ADAMTSL1: variants seen among roughly 807,000 people sequenced by gnomAD.
ADAMTSL1 encodes ADAMTS-like protein 1.
ADAMTSL1 carries 126 observed loss-of-function variants against 201.8 expected under a neutral mutation model. That is an observed-to-expected ratio of 0.62 (90% CI 0.54 to 0.72). The LOEUF is 0.72. Ranked by LOEUF, ADAMTSL1 falls within the 30% of genes least tolerant of loss-of-function variation. ADAMTSL1 has a pLI of 0.00. For synonymous variants in ADAMTSL1, 1,121 were observed against 903.4 expected (o/e 1.24, Z -4.32); for missense variants, 2,679 against 2,277.8 (o/e 1.18, Z -3.59).
intron 13 of ADAMTSL1, among the ~76,000 whole-genome samples, chr9:18,703,193 C>T (rs1351055160): frequency 6.6e-6 from 1 of 152,162 alleles, no homozygotes; most frequent in Non-Finnish European, 1.5e-5. Context: ...GCTTCTAGCT[C>T]AGCAAGTGCT....
At chr9:18,688,070 T>C (rs1259232595) in intron 13 of ADAMTSL1, among the ~76,000 whole-genome samples, 3 of 151,670 alleles carry the variant, frequency 2.0e-5, no homozygotes, top group Non-Finnish European at 4.4e-5. Context: ...ATCTGATTCA[T>C]GTGGTAGAAA....
At chr9:18,150,672 G>A (rs1296549972) in intron 1 of ADAMTSL1, among the ~76,000 whole-genome samples, 1 of 151,928 alleles carries the variant, frequency 6.6e-6, no homozygotes, top group Non-Finnish European at 1.5e-5. Flanking sequence ...ATAGAGAAAA[G>A]AATCAATGGG....
intron 1 of ADAMTSL1, among the ~76,000 whole-genome samples, chr9:18,082,270 T>C (rs1385564795): frequency 6.6e-6 from 1 of 152,132 alleles, no homozygotes; most frequent in Non-Finnish European, 1.5e-5. Context: ...TAGTAGAAAA[T>C]GTAAACTACA....
chr9:18,732,468 G>A (rs1818269757), intron 15 of ADAMTSL1, among the ~76,000 whole-genome samples: 1 of 152,190 alleles, frequency 6.6e-6, no homozygotes, highest in Admixed American at 6.5e-5. Context: ...TAAAATGGTA[G>A]CAGGGGAGAC....
rs537147097 is a variant in ADAMTSL1 at position 18,764,969 on chromosome 9, G to GTACAATTT, written c.2218-5630_2218-5623dup. ...ATTTTCAATGAGTAATCACTCTATA[G>GTACAATTT]TACAATTTTATTACATCTATACCCT... On this transcript the variant is annotated intron_variant, in intron 16 of 28. Transcript: ENST00000380548. 1.6e-4 allele frequency among the ~76,000 whole-genome samples: 24 copies of GTACAATTT among 152,180 alleles called. 1 individual carries two copies. The East Asian group carries it at 4.6e-3, about 29-fold the overall frequency.
At chr9:18,622,570 A>C in intron 5 of ADAMTSL1, 1 of 701,574 alleles carries the variant, frequency 1.4e-6, no homozygotes, top group East Asian at 2.7e-5. Context: ...CCAAAGAGGA[A>C]GCCTGTCCTT....
intron 4 of ADAMTSL1, among the ~76,000 whole-genome samples, chr9:18,583,555 C>G (rs201503780): frequency 8.9e-6 from 1 of 112,890 alleles, no homozygotes; most frequent in Non-Finnish European, 2.1e-5. Context: ...GGAACACCAC[C>G]TAGGAAAGCT....
At chr9:18,137,734 C>T (rs796159962) in intron 1 of ADAMTSL1, among the ~76,000 whole-genome samples, 35 of 152,276 alleles carry the variant, frequency 2.3e-4, no homozygotes, top group African/African-American at 7.9e-4. Flanking sequence ...TTGTAGAATT[C>T]TGTATTTTGT....
intron 16 of ADAMTSL1, among the ~76,000 whole-genome samples, chr9:18,755,400 GA>G (rs2133623308): frequency 6.6e-6 from 1 of 152,288 alleles, no homozygotes; most frequent in Admixed American, 6.5e-5. Context: ...AATGTTTACT[GA>G]ATGATGAAAT....
chr9:18,680,538 G>T (rs984616497), intron 11 of ADAMTSL1, 22 bp downstream of exon 11: 1 of 1,612,338 alleles, frequency 6.2e-7, no homozygotes, highest in East Asian at 2.2e-5. Flanking sequence ...TTCTTTCTTT[G>T]TTCATTAGGA....
intron 19 of ADAMTSL1, among the ~76,000 whole-genome samples, chr9:18,789,744 G>A (rs562248983): frequency 2.6e-5 from 4 of 152,292 alleles, no homozygotes; most frequent in African/African-American, 7.2e-5. Flanking sequence ...TTGTTCTTAA[G>A]GGAGGGGGAG....
At chr9:18,179,539 C>T (rs1479032281) in intron 2 of ADAMTSL1, among the ~76,000 whole-genome samples, 2 of 152,120 alleles carry the variant, frequency 1.3e-5, no homozygotes, top group East Asian at 3.9e-4. Flanking sequence ...CACAAAGATA[C>T]TCCTCGAGAA....
intron 1 of ADAMTSL1, among the ~76,000 whole-genome samples, chr9:17,916,564 A>C (rs1164438071): frequency 6.6e-6 from 1 of 152,162 alleles, no homozygotes; most frequent in Non-Finnish European, 1.5e-5. Context: ...GACTTTTTGC[A>C]AAGACCATCC....
intron 2 of ADAMTSL1, among the ~76,000 whole-genome samples, chr9:18,379,879 T>C (rs1837474579): frequency 6.6e-6 from 1 of 152,204 alleles, no homozygotes; most frequent in Non-Finnish European, 1.5e-5. Flanking sequence ...TTTCCTTTAC[T>C]CCATCCTCCC....
chr9:18,187,481 A>G (rs1446730308), intron 2 of ADAMTSL1, among the ~76,000 whole-genome samples: 2 of 152,188 alleles, frequency 1.3e-5, no homozygotes, highest in Admixed American at 6.5e-5. Context: ...TAAGATCTTG[A>G]TAAGATTGCA....
At chr9:18,283,796 C>T (rs1832884041) in intron 2 of ADAMTSL1, among the ~76,000 whole-genome samples, 1 of 150,096 alleles carries the variant, frequency 6.7e-6, no homozygotes, top group South Asian at 2.1e-4. Flanking sequence ...CCTGTAGTCC[C>T]AGCTACTCGG....
intron 1 of ADAMTSL1, among the ~76,000 whole-genome samples, chr9:18,031,243 G>C (rs1820942581): frequency 6.6e-6 from 1 of 152,132 alleles, no homozygotes; most frequent in South Asian, 2.1e-4. Flanking sequence ...TAGAGTTCTT[G>C]CACTGATTCC....
intron 16 of ADAMTSL1, among the ~76,000 whole-genome samples, chr9:18,768,932 A>G (rs958776958): frequency 5.3e-5 from 8 of 152,218 alleles, no homozygotes; most frequent in African/African-American, 1.9e-4. Context: ...TTATCTGGGG[A>G]AAAATTACTT....
At chr9:18,000,661 C>G (rs1183071497) in intron 1 of ADAMTSL1, among the ~76,000 whole-genome samples, 1 of 152,064 alleles carries the variant, frequency 6.6e-6, no homozygotes, top group East Asian at 1.9e-4. Context: ...ATACTTATAT[C>G]ATGTAGCACT....
Sources: allele counts gnomAD v4.1 joint callset (sites outside exome capture counted in the v4.1 genomes callset), GRCh38; gene constraint gnomAD v4.1.1; transcripts MANE v1.5; gene names NCBI Gene and HGNC (gene_info 2026-07-23, HGNC 2026-07-21).